Variants in NIBAN2 observed in about 807,000 individuals in gnomAD.
NIBAN2 encodes the protein protein Niban 2.
In NIBAN2, 36 loss-of-function variants were observed where a neutral mutation model predicts 81.8. That is an observed-to-expected ratio of 0.44 (90% CI 0.34 to 0.58). The LOEUF is 0.58. NIBAN2 is among the 20% of genes least tolerant of loss of function. The pLI is 0.02. For missense variants in NIBAN2, 897 were observed against 1,014.1 expected, an observed-to-expected ratio of 0.88 and a Z score of 1.57; for synonymous variants, 445 against 441.6, an observed-to-expected ratio of 1.01 and a Z score of -0.10.
chr9:127,577,708 C>A (rs191636917), intron 1 of NIBAN2, among the ~76,000 whole-genome samples: 1 of 146,152 alleles, frequency 6.8e-6, no homozygotes, highest in East Asian at 2.1e-4. Flanking sequence ...TCTGCTATAT[C>A]TTTTTGTTTG....
chr9:127,568,876 GC>G lies in NIBAN2; in HGVS notation c.-3del. ...GTGCGTGGACAGCACGTCCCCCATG[GC>G]CAGGAGGTGTCGCGGCCCGATCCGG... On this transcript the variant is annotated 5_prime_UTR_variant, in exon 1 of 14. Coordinates refer to ENST00000373312, the MANE Select transcript of NIBAN2 (RefSeq NM_022833.4). 1.5e-6 allele frequency: 2 copies of G among 1,339,270 alleles called. No homozygotes were observed. The highest frequency in any genetic ancestry group is 1.9e-6 in the Non-Finnish European group (2 of 1,040,590). The allele number at this position is 1,339,270 out of a possible 1,614,324, so 83.0% of individuals were successfully genotyped here. A position where few individuals can be genotyped will look rare whatever the true frequency, so the allele number is the denominator to read the frequency against.
rs1237921639 is a variant in NIBAN2, at chr9:127,563,759, G to A, written c.55+5061C>T. Among the ~76,000 whole-genome samples, 2 of 152,084 alleles carry A rather than the reference G, an allele frequency of 1.3e-5. No individual in the cohort carries two copies. The highest frequency in any genetic ancestry group is 4.8e-5 in the African/African-American group (2 of 41,414). On this transcript the variant is annotated intron_variant, in intron 1 of 13. Coordinates refer to ENST00000373312, the MANE Select transcript of NIBAN2 (RefSeq NM_022833.4). This position sits in a 1 kb window ranked among gnomAD's most constrained non-coding sequence, Gnocchi z 4.1. Reference sequence around the variant, plus strand: ...TCAAACTCTTGACCTCAGGTGATCTGCCTGCCTGTCTCCCAAAGCGCTGGA... The same window carrying A: ...TCAAACTCTTGACCTCAGGTGATCTACCTGCCTGTCTCCCAAAGCGCTGGA...
At chr9:127,533,446 G>A (rs1343689062) in intron 1 of NIBAN2, among the ~76,000 whole-genome samples, 1 of 152,120 alleles carries the variant, frequency 6.6e-6, no homozygotes, top group African/African-American at 2.4e-5. Context: ...GACAGAGCGA[G>A]ACTCCATCTC....
At chr9:127,523,169 T>C (rs12353331) in intron 5 of NIBAN2, among the ~76,000 whole-genome samples, 1 of 11,334 alleles carries the variant, frequency 8.8e-5, no homozygotes, top group Non-Finnish European at 1.6e-4. Flanking sequence ...TTGGTGGTTT[T>C]AAAAAAAAAA....
chr9:127,542,654 T>C (rs1052395867), intron 1 of NIBAN2, among the ~76,000 whole-genome samples: 3 of 152,132 alleles, frequency 2.0e-5, no homozygotes, highest in Non-Finnish European at 4.4e-5. Flanking sequence ...GCCACCGACA[T>C]TTCCCCCCCT....
intron 1 of NIBAN2, among the ~76,000 whole-genome samples, chr9:127,567,287 A>C (rs1436729240): frequency 6.6e-6 from 1 of 152,196 alleles, no homozygotes; most frequent in African/African-American, 2.4e-5. Context: ...AGGGACTGTT[A>C]CAGAGCCCCA....
Position 127,509,096 on chromosome 9 carries a change from G to T in NIBAN2, c.1197C>A (p.Pro399=), listed in dbSNP as rs774002577. Residue 399 remains proline (P), a synonymous_variant, in exon 10 of 14, where the codon CCC becomes CCA. Transcript: ENST00000373312. The stretch of plus-strand genomic sequence containing the variant: ...TCTCATAGCAGCTCTGCATCTTCAG[G>T]GGGTGGTACGCCAGCCGGGACAGCT... ...MEKLSRLAYH[P]LKMQSCYEKM... 4.3e-6 allele frequency: 7 copies of T among 1,612,914 alleles called. No individual in the cohort carries two copies. Among genetic ancestry groups the T allele is most frequent in the East Asian group, 4.5e-5 (2 of 44,884 alleles).
intron 1 of NIBAN2, among the ~76,000 whole-genome samples, chr9:127,542,701 G>A (rs556665783): frequency 2.0e-5 from 3 of 152,304 alleles, no homozygotes; most frequent in East Asian, 1.9e-4. Context: ...CCTTGGCTGC[G>A]TCACTCTTCC....
At chr9:127,539,555 C>A (rs1416444912) in intron 1 of NIBAN2, among the ~76,000 whole-genome samples, 1 of 152,172 alleles carries the variant, frequency 6.6e-6, no homozygotes, top group African/African-American at 2.4e-5. Context: ...CCCACTGGAG[C>A]CTTACTTCTT....
chr9:127,518,631 C>G (rs1409431276), intron 5 of NIBAN2, among the ~76,000 whole-genome samples: 1 of 152,214 alleles, frequency 6.6e-6, no homozygotes, highest in Non-Finnish European at 1.5e-5. Context: ...GGTTTCAGAG[C>G]CTGGTTCTAG....
At chr9:127,556,105 G>C (rs2132228115) in intron 1 of NIBAN2, among the ~76,000 whole-genome samples, 1 of 152,280 alleles carries the variant, frequency 6.6e-6, no homozygotes, top group South Asian at 2.1e-4. Flanking sequence ...GGAACCCAGA[G>C]AGAGAGCCGC....
chr9:127,566,198 G>A (rs563764044), intron 1 of NIBAN2, among the ~76,000 whole-genome samples: 2 of 152,132 alleles, frequency 1.3e-5, no homozygotes, highest in Non-Finnish European at 2.9e-5. Flanking sequence ...GCTTCAGTCT[G>A]GGGGAGATTT....
intron 1 of NIBAN2, among the ~76,000 whole-genome samples, chr9:127,565,153 G>A (rs1837836791): frequency 6.6e-6 from 1 of 152,022 alleles, no homozygotes; most frequent in Non-Finnish European, 1.5e-5. Flanking sequence ...CTAGAGACGG[G>A]GCTTTGCCAT....
At chr9:127,511,656 G>C (rs772359900) in intron 8 of NIBAN2, among the ~76,000 whole-genome samples, 3 of 152,110 alleles carry the variant, frequency 2.0e-5, no homozygotes, top group Non-Finnish European at 4.4e-5. Context: ...AAAAAACTAA[G>C]AAAACTGCCA....
At chr9:127,548,926 G>A (rs1004971534) in intron 1 of NIBAN2, among the ~76,000 whole-genome samples, 6 of 152,270 alleles carry the variant, frequency 3.9e-5, no homozygotes, top group South Asian at 2.1e-4. Flanking sequence ...GCTTTCTAAC[G>A]GCCTCAGATG....
chr9:127,566,717 T>C (rs1167879609), intron 1 of NIBAN2, among the ~76,000 whole-genome samples: 4 of 152,150 alleles, frequency 2.6e-5, no homozygotes, highest in Non-Finnish European at 5.9e-5. Context: ...TAGGGAGGGT[T>C]CTGGAATTTT....
rs1456285488 is a variant in NIBAN2, at chr9:127,505,514, C to T, written c.*1331G>A. On this transcript the variant is annotated 3_prime_UTR_variant, in exon 14 of 14. Coordinates refer to ENST00000373312, the MANE Select transcript of NIBAN2 (RefSeq NM_022833.4). ...CCAGGGCTGCGGCAGCTGGGGGTCC[C>T]TGAGTGCCAGGCGCCACCACACGTC... 6.5e-6 allele frequency: 1 copy of T among 152,720 alleles called. No individual in the cohort carries two copies. Among genetic ancestry groups the T allele is most frequent in the Non-Finnish European group, 1.5e-5 (1 of 68,112 alleles). 9.5% of individuals were successfully genotyped at this position (152,720 alleles called of 1,614,324 possible).
chr9:127,523,189 AAAAATATATATATATATATATAT>A (rs1720129335), intron 5 of NIBAN2, among the ~76,000 whole-genome samples: 12 of 23,156 alleles, frequency 5.2e-4, no homozygotes, highest in Admixed American at 2.3e-3. Flanking sequence ...AAAAAAAAAA[AAAAATATATATATATATATATAT>A]ATATATATAT....
chr9:127,571,511 C>T (rs1307063284), upstream of NIBAN2, among the ~76,000 whole-genome samples: 1 of 152,116 alleles, frequency 6.6e-6, no homozygotes, highest in Non-Finnish European at 1.5e-5. Context: ...GTCTGGCCAA[C>T]ATGGTGAAAC....
Sources: allele counts gnomAD v4.1 joint callset (sites outside exome capture counted in the v4.1 genomes callset), GRCh38; gene constraint gnomAD v4.1.1; non-coding constraint Gnocchi (gnomAD v3.1); transcripts MANE v1.5; gene names NCBI Gene and HGNC (gene_info 2026-07-23, HGNC 2026-07-21).